Variants in CLSTN2 observed in about 807,000 individuals in gnomAD.
CLSTN2 encodes calsyntenin 2.
A neutral mutation model predicts 101.2 loss-of-function variants in CLSTN2; 48 were observed. That is an observed-to-expected ratio of 0.47 (90% CI 0.38 to 0.60). The LOEUF (loss-of-function observed/expected upper bound fraction) is 0.60. Ranked by LOEUF, CLSTN2 falls within the 20% of genes least tolerant of loss-of-function variation. CLSTN2 has a pLI of 0.00. For missense variants in CLSTN2, 1,160 were observed against 1,238.2 expected (o/e 0.94, Z 0.95); for synonymous variants, 481 against 463.6 (o/e 1.04, Z -0.48).
intron 1 of CLSTN2, among the ~76,000 whole-genome samples, chr3:140,155,100 G>A (rs1437808193): frequency 2.0e-5 from 3 of 152,098 alleles, no homozygotes; most frequent in East Asian, 1.9e-4. Context: ...GGGTCTAAAC[G>A]GAAATTGCCA....
At chr3:140,199,873 A>G (rs1000030162) in intron 2 of CLSTN2, among the ~76,000 whole-genome samples, 2 of 152,228 alleles carry the variant, frequency 1.3e-5, no homozygotes, top group African/African-American at 2.4e-5. Flanking sequence ...TTAGACTTTA[A>G]TGACATTTAA....
chr3:140,339,047 C>T (rs1479160623), intron 2 of CLSTN2, among the ~76,000 whole-genome samples: 1 of 152,192 alleles, frequency 6.6e-6, no homozygotes, highest in African/African-American at 2.4e-5. Context: ...CTGGGTGAAG[C>T]TGCCGTGTGC....
chr3:140,451,120 G>A (rs1201232176), intron 6 of CLSTN2, among the ~76,000 whole-genome samples: 3 of 152,144 alleles, frequency 2.0e-5, no homozygotes, highest in African/African-American at 7.2e-5. Context: ...GGAACCCCAG[G>A]CCACTGTGGG....
At chr3:140,138,852 G>T (rs968928423) in intron 1 of CLSTN2, among the ~76,000 whole-genome samples, 3 of 152,182 alleles carry the variant, frequency 2.0e-5, no homozygotes, top group Non-Finnish European at 4.4e-5. Context: ...TCCAAATCAA[G>T]CTCCATTTTT....
At chr3:140,385,451 C>T (rs1435798999) in intron 2 of CLSTN2, among the ~76,000 whole-genome samples, 1 of 146,570 alleles carries the variant, frequency 6.8e-6, no homozygotes, top group African/African-American at 2.5e-5. Context: ...TCGCTGTAAA[C>T]TCCTCCTCCC....
chr3:140,478,774 GAGGGAGGAAGGGAAGGGAAGGGAAGA>G (rs1934045526), intron 8 of CLSTN2, among the ~76,000 whole-genome samples: 2 of 121,750 alleles, frequency 1.6e-5, no homozygotes, highest in Middle Eastern at 3.5e-3. Flanking sequence ...ACTGAAAAAA[GAGGGAGGAAGGGAAGGGAAGGGAAGA>G]AGGGAGGAAG....
chr3:140,499,944 G>A (rs1335450832), intron 8 of CLSTN2, among the ~76,000 whole-genome samples: 1 of 152,212 alleles, frequency 6.6e-6, no homozygotes, highest in Admixed American at 6.5e-5. Flanking sequence ...GCGGGAGCCC[G>A]TAGTCCCAGC....
chr3:140,122,499 C>A (rs746353385), intron 1 of CLSTN2, among the ~76,000 whole-genome samples: 2 of 152,190 alleles, frequency 1.3e-5, no homozygotes, highest in Admixed American at 6.5e-5. Flanking sequence ...ATAAAGAATG[C>A]CTTTACTCCC....
intron 1 of CLSTN2, among the ~76,000 whole-genome samples, chr3:140,092,706 T>C (rs59903313): frequency 0.017 from 2,554 of 152,270 alleles, 75 homozygotes; most frequent in African/African-American, 0.057. Flanking sequence ...CTGATTCCTG[T>C]GGACTCGAGC....
chr3:139,968,329 G>A, intron 1 of CLSTN2, among the ~76,000 whole-genome samples: 1 of 152,160 alleles, frequency 6.6e-6, no homozygotes, highest in East Asian at 1.9e-4. Context: ...TCCCTCTCCT[G>A]TGTCCTCAGT....
rs113548307 is a variant in CLSTN2 at position 139,963,795 on chromosome 3, T to G, written c.109+28312T>G. ...GCATAATGGGCTGTAGTTTGTGCAG[T>G]TGTCAGTATAGCTTGTTAGGGAGCT... is the stretch of plus-strand genomic sequence containing the variant. On this transcript the variant is annotated intron_variant, in intron 1 of 16. Transcript: ENST00000458420. 6.5e-3 allele frequency among the ~76,000 whole-genome samples: 991 copies of G among 152,318 alleles called. 7 individuals are homozygous for G. Among genetic ancestry groups the G allele is most frequent in the African/African-American group, 0.023 (959 of 41,578 alleles).
At chr3:139,996,265 G>A (rs1270037192) in intron 1 of CLSTN2, among the ~76,000 whole-genome samples, 2 of 151,946 alleles carry the variant, frequency 1.3e-5, no homozygotes, top group Non-Finnish European at 2.9e-5. Flanking sequence ...GTTACTTTGT[G>A]TATCTGTATA....
intron 8 of CLSTN2, among the ~76,000 whole-genome samples, chr3:140,525,210 C>T (rs1935112587): frequency 6.6e-6 from 1 of 152,056 alleles, no homozygotes; most frequent in South Asian, 2.1e-4. Flanking sequence ...GCTAGATTAA[C>T]AAATACAGAG....
chr3:140,504,927 T>C (rs1934657146), intron 8 of CLSTN2, among the ~76,000 whole-genome samples: 1 of 152,194 alleles, frequency 6.6e-6, no homozygotes, highest in African/African-American at 2.4e-5. Context: ...AAAACTCAAG[T>C]GAAAATTCCG....
chr3:140,027,672 G>T (rs990942963), intron 1 of CLSTN2, among the ~76,000 whole-genome samples: 9 of 152,162 alleles, frequency 5.9e-5, no homozygotes, highest in Non-Finnish European at 1.3e-4. Flanking sequence ...TCTGCTGTCT[G>T]CTCATGAGTG....
chr3:140,194,231 C>T (rs1228037602), intron 2 of CLSTN2, among the ~76,000 whole-genome samples: 3 of 151,956 alleles, frequency 2.0e-5, no homozygotes, highest in Admixed American at 1.3e-4. Flanking sequence ...GCTGTCAGTG[C>T]CTGGTGAGGG....
chr3:139,951,405 G>T (rs1935291649), intron 1 of CLSTN2, among the ~76,000 whole-genome samples: 1 of 152,180 alleles, frequency 6.6e-6, no homozygotes, highest in African/African-American at 2.4e-5. Context: ...TGGAGAATAG[G>T]GTCTCCCTGG....
chr3:140,385,553 A>AT (rs1236870395), intron 2 of CLSTN2, among the ~76,000 whole-genome samples: 1 of 151,086 alleles, frequency 6.6e-6, no homozygotes, highest in Non-Finnish European at 1.5e-5. Flanking sequence ...TTGTTGTTGT[A>AT]TTTTTAGTAG....
intron 4 of CLSTN2, among the ~76,000 whole-genome samples, chr3:140,412,782 G>A (rs1329838830): frequency 6.6e-6 from 1 of 152,042 alleles, no homozygotes; most frequent in Non-Finnish European, 1.5e-5. Flanking sequence ...TAAATAACGT[G>A]GTTCTGAACA....
Sources: allele counts gnomAD v4.1 joint callset (sites outside exome capture counted in the v4.1 genomes callset), GRCh38; gene constraint gnomAD v4.1.1; transcripts MANE v1.5; gene names NCBI Gene and HGNC (gene_info 2026-07-23, HGNC 2026-07-21).